The following ADAMTS5 variants were observed in gnomAD, a reference collection of about 807,000 sequenced individuals.
ADAMTS5 encodes A disintegrin and metalloproteinase with thrombospondin motifs 5.
ADAMTS5 carries 54 observed loss-of-function variants against 81.4 expected under a neutral mutation model. That is an observed-to-expected ratio of 0.66 (90% CI 0.53 to 0.83). The LOEUF (loss-of-function observed/expected upper bound fraction) is 0.83, where lower values mean the gene tolerates loss of function less well. Among genes scored for constraint, ADAMTS5 ranks in the 40% least tolerant of loss-of-function variants. ADAMTS5 has a pLI of 0.00. For synonymous variants in ADAMTS5, 532 were observed against 508.8 expected (o/e 1.05, Z -0.61); for missense variants, 1,194 against 1,229.9 (o/e 0.97, Z 0.44).
rs775391971 is a variant in ADAMTS5, at chr21:26,924,190, C to A, written c.2656G>T (p.Ala886Ser). 2 of 1,614,158 alleles carry A rather than the reference C, an allele frequency of 1.2e-6. No homozygotes were observed. The highest frequency in any genetic ancestry group is 2.7e-5 in the African/African-American group (2 of 75,060). The change falls in exon 8 of 8, where the codon GCC (alanine) becomes TCC (serine). Residue 886 changes from alanine to serine, a missense_variant. By Grantham distance (99) the Ala-to-Ser change is moderately conservative. This residue lies in a region of ADAMTS5 where 696 missense variants were observed against 817.6 expected (regional missense o/e 0.85). Coordinates refer to ENST00000284987, the MANE Select transcript of ADAMTS5 (RefSeq NM_007038.5). The stretch of plus-strand genomic sequence containing the variant: ...CCTGTGTCACAGGTCCTAGAGCAGG[C>A]GAGCCATGGGCCCGTGACCCACTGC... ...QPQWVTGPWL[A>S]CSRTCDTGWH...
At chr21:26,928,597 CCCT>C (rs1336720148) in intron 7 of ADAMTS5, among the ~76,000 whole-genome samples, 1 of 149,924 alleles carries the variant, frequency 6.7e-6, no homozygotes, top group Non-Finnish European at 1.5e-5. Flanking sequence ...TTCCCTCTCT[CCCT>C]CCTTTCCTTT....
chr21:26,924,600 A>G lies in ADAMTS5; in HGVS notation c.2246T>C (p.Val749Ala). ...NKKSKGYTDVVRIPEGATHIK... is the reference protein window; with the variant it reads ...NKKSKGYTDVARIPEGATHIK... ...GTGGGTTGCCCCTTCAGGAATCCTC[A>G]CCACGTCAGTGTAACCCTTACTGGA... is the stretch of plus-strand genomic sequence containing the variant. Residue 749 changes from valine to alanine, a missense_variant, in exon 8 of 8, where the codon GTG (valine) becomes GCG (alanine). By Grantham distance (64) the Val-to-Ala change is moderately conservative (BLOSUM62 0). This residue lies in a region of ADAMTS5 where 696 missense variants were observed against 817.6 expected (regional missense o/e 0.85). Coordinates refer to ENST00000284987, the MANE Select transcript of ADAMTS5 (RefSeq NM_007038.5). 1 of 1,613,346 alleles carries G rather than the reference A, an allele frequency of 6.2e-7. No individual in the cohort carries two copies. Among genetic ancestry groups the G allele is most frequent in the Non-Finnish European group, 8.5e-7 (1 of 1,179,656 alleles).
chr21:26,956,811 A>G (rs1324047732), intron 1 of ADAMTS5, among the ~76,000 whole-genome samples: 3 of 152,240 alleles, frequency 2.0e-5, no homozygotes, highest in Non-Finnish European at 4.4e-5. Context: ...TCTTCTCGAT[A>G]GAGATTAAAC....
At chr21:26,934,088 G>A (rs1026144060) in intron 4 of ADAMTS5, among the ~76,000 whole-genome samples, 4 of 152,106 alleles carry the variant, frequency 2.6e-5, no homozygotes, top group South Asian at 2.1e-4. Context: ...CACATGTATC[G>A]GCTCTGCTAT....
rs200530279 is a variant in ADAMTS5 at position 26,943,559 on chromosome 21, A to G, written c.1238-12T>C. The G allele has an allele frequency of 1.8e-5, 29 of 1,606,660 alleles. No individual in the cohort carries two copies. The Admixed American group carries it at 4.7e-4, about 26-fold the overall frequency. On this transcript the variant is annotated splice_polypyrimidine_tract_variant and intron_variant, in intron 2 of 7. Transcript: ENST00000284987. The stretch of plus-strand genomic sequence containing the variant: ...GCCAAGTAAATGTCCTAAGGGAGAC[A>G]ACAGAGGAAGTACAAATAATCCGTG...
Position 26,954,890 on chromosome 21 carries a change from G to A in ADAMTS5, c.1105-19C>T. 5.0e-6 allele frequency: 8 copies of A among 1,612,578 alleles called. No homozygotes were observed. Among genetic ancestry groups the A allele is most frequent in the Non-Finnish European group, 6.8e-6 (8 of 1,179,512 alleles). ...ATAAATCCTGCCCAGGAGAAAGAAA[G>A]AAATCATTAAAATCAATTTACATCC... On this transcript the variant is annotated intron_variant, in intron 1 of 7. Coordinates refer to ENST00000284987, the MANE Select transcript of ADAMTS5 (RefSeq NM_007038.5).
chr21:26,963,058 A>T (rs142040067), intron 1 of ADAMTS5, among the ~76,000 whole-genome samples: 148 of 152,220 alleles, frequency 9.7e-4, no homozygotes, highest in African/African-American at 3.5e-3. Flanking sequence ...AGATGTGTAT[A>T]CTACAGGGCC....
Position 26,937,619 on chromosome 21 carries a change from A to ATAAAATGTT in ADAMTS5, c.1406-2879_1406-2871dup, listed in dbSNP as rs1322648733. 2.0e-5 allele frequency among the ~76,000 whole-genome samples: 3 copies of ATAAAATGTT among 152,246 alleles called. No homozygotes were observed. In the East Asian group the frequency reaches 5.8e-4, roughly 29 times the overall value. On this transcript the variant is annotated intron_variant, in intron 3 of 7. Coordinates refer to ENST00000284987, the MANE Select transcript of ADAMTS5 (RefSeq NM_007038.5). Reference sequence around the variant, plus strand: ...AGAGCCTAAGTCTGAAACTCACAGTATAAAATGTTTAAAATCTAAGTAATA... The same window carrying ATAAAATGTT: ...AGAGCCTAAGTCTGAAACTCACAGTATAAAATGTTTAAAATGTTTAAAATCTAAGTAATA...
rs1255894885 is a variant in ADAMTS5, at chr21:26,919,124, C to T, written c.*4929G>A. The T allele has an allele frequency of 2.0e-5, 3 of 151,770 alleles. No individual in the cohort carries two copies. Among genetic ancestry groups the T allele is most frequent in the Admixed American group, 6.6e-5 (1 of 15,232 alleles). The allele number at this position is 151,770 out of a possible 1,614,324, so 9.4% of individuals were successfully genotyped here. Reference sequence around the variant, plus strand: ...ACTCAAAAATACCACATTTGACAGTCGGTCACGAAAGATGTTAGCACCTCA... The same window carrying T: ...ACTCAAAAATACCACATTTGACAGTTGGTCACGAAAGATGTTAGCACCTCA... On this transcript the variant is annotated 3_prime_UTR_variant, in exon 8 of 8. Transcript: ENST00000284987.
chr21:26,938,199 G>A (rs985259576), intron 3 of ADAMTS5, among the ~76,000 whole-genome samples: 3 of 151,442 alleles, frequency 2.0e-5, no homozygotes, highest in African/African-American at 7.3e-5. Flanking sequence ...AGCCAAGATC[G>A]CACCATTGCA....
chr21:26,962,211 TA>T (rs34015667), intron 1 of ADAMTS5, among the ~76,000 whole-genome samples: 76,084 of 149,310 alleles, frequency 0.51, 19,263 homozygotes, highest in African/African-American at 0.55. Context: ...GCAAATGGTC[TA>T]AAAAAAAACG....
In ADAMTS5 at chr21:26,943,448, A is replaced by C; in HGVS notation, c.1337T>G (p.Ile446Ser). The change falls in exon 3 of 8, where the codon ATT (isoleucine) becomes AGT (serine). Residue 446 changes from isoleucine (I) to serine (S), a missense_variant. Around this residue, in one of 2 missense-constraint regions of ADAMTS5, gnomAD observed 696 missense variants for 817.6 expected, o/e 0.85. Transcript: ENST00000284987. ...TTTGGACCAGGGCTTAGATGCATCA[A>C]TGCTGGTAAGGATGGAAGACATTAA... ...KRLMSSILTS[I>S]DASKPWSKCT... 6.2e-7 allele frequency: 1 copy of C among 1,613,754 alleles called. No homozygotes were observed. Among genetic ancestry groups the C allele is most frequent in the Non-Finnish European group, 8.5e-7 (1 of 1,179,760 alleles).
At chr21:26,930,177 A>AT in intron 6 of ADAMTS5, 116 bp from the exon 7 acceptor site, 1 of 856,198 alleles carries the variant, frequency 1.2e-6, no homozygotes, top group Non-Finnish European at 1.7e-6. Flanking sequence ...TGGACAGTCC[A>AT]TTGAAAAAAA....
chr21:26,919,552 A>G lies in ADAMTS5; in HGVS notation c.*4501T>C, dbSNP rs1301528218. 6 of 152,016 alleles carry G rather than the reference A, an allele frequency of 3.9e-5. No individual in the cohort carries two copies. The highest frequency in any genetic ancestry group is 1.3e-4 in the Admixed American group (2 of 15,244). 9.4% of individuals were successfully genotyped at this position (152,016 alleles called of 1,614,324 possible). A position where few individuals can be genotyped will look rare whatever the true frequency, so the allele number is the denominator to read the frequency against. On this transcript the variant is annotated 3_prime_UTR_variant, in exon 8 of 8. Coordinates refer to ENST00000284987, the MANE Select transcript of ADAMTS5 (RefSeq NM_007038.5). ...TAAAACCTGCATTGAGAATGATATC[A>G]TAGCCCCAGGCAGGCATTTACCAGA...
chr21:26,924,079 T>G lies in ADAMTS5; in HGVS notation c.2767A>C (p.Lys923Gln). The G allele has an allele frequency of 6.2e-7, 1 of 1,601,858 alleles. No homozygotes were observed. The highest frequency in any genetic ancestry group is 1.1e-5 in the South Asian group (1 of 90,736). Reference sequence around the variant, plus strand: ...TAACATTTCTTCAACAAGCATTGCTTAAACGCAGAAGGCCTTTGGGAGAGA... The same window carrying G: ...TAACATTTCTTCAACAAGCATTGCTGAAACGCAGAAGGCCTTTGGGAGAGA... ...CPLSQRPSAF[K>Q]QCLLKKC The change falls in exon 8 of 8, where the codon AAG becomes CAG. Residue 923 changes from lysine (K) to glutamine (Q), a missense_variant. Coordinates refer to ENST00000284987, the MANE Select transcript of ADAMTS5 (RefSeq NM_007038.5).
At chr21:26,952,062 C>A (rs955059343) in intron 2 of ADAMTS5, among the ~76,000 whole-genome samples, 9 of 152,204 alleles carry the variant, frequency 5.9e-5, no homozygotes, top group Non-Finnish European at 1.3e-4. Context: ...GAATTGAATC[C>A]ATATTCCCCC....
chr21:26,945,162 A>AC (rs1987190579), intron 2 of ADAMTS5, among the ~76,000 whole-genome samples: 1 of 151,918 alleles, frequency 6.6e-6, no homozygotes, highest in South Asian at 2.1e-4. Context: ...AAAAAAAAAA[A>AC]AACAATCTTT....
At chr21:26,931,222 T>C (rs1282341153) in intron 6 of ADAMTS5, among the ~76,000 whole-genome samples, 1 of 152,090 alleles carries the variant, frequency 6.6e-6, no homozygotes, top group Non-Finnish European at 1.5e-5. Flanking sequence ...AATTTTTGTA[T>C]TTTTAGTAGA....
At chr21:26,964,790 GA>G (rs941711228) in intron 1 of ADAMTS5, among the ~76,000 whole-genome samples, 10 of 152,312 alleles carry the variant, frequency 6.6e-5, no homozygotes, top group African/African-American at 2.4e-4. Context: ...TAACAGAAGG[GA>G]TTCTAGTAAA....
Sources: gnomAD v4.1 joint callset for allele counts (sites outside exome capture counted in the v4.1 genomes callset) on GRCh38, gnomAD v4.1.1 for gene constraint, gnomAD v4.1.1 regional missense constraint, MANE v1.5 for transcripts, NCBI Gene and HGNC (gene_info 2026-07-23, HGNC 2026-07-21) for gene names.